CDH18: variants seen among roughly 807,000 people sequenced by gnomAD.
CDH18 encodes cadherin-18.
Under a neutral mutation model 67.9 loss-of-function variants are expected in CDH18, and 31 were observed. The observed-to-expected ratio is 0.46, with a 90% CI of 0.34 to 0.62. CDH18 has a LOEUF of 0.62. CDH18 is among the 20% of genes least tolerant of loss of function. The pLI, the probability that CDH18 is intolerant of heterozygous loss-of-function variation, is 0.01. For missense variants in CDH18, 890 were observed against 975.5 expected, an observed-to-expected ratio of 0.91 and a Z score of 1.17; for synonymous variants, 362 against 347.2, an observed-to-expected ratio of 1.04 and a Z score of -0.48.
At chr5:20,046,950 C>T (rs1391265185) in intron 2 of CDH18, among the ~76,000 whole-genome samples, 3 of 151,804 alleles carry the variant, frequency 2.0e-5, no homozygotes, top group Non-Finnish European at 2.9e-5. Context: ...CACATGTATA[C>T]ATATGTAACT....
Position 19,567,478 on chromosome 5 carries a change from A to G in CDH18, c.1253+4101T>C, listed in dbSNP as rs192226403. Among the ~76,000 whole-genome samples, 4 of 152,302 alleles carry G rather than the reference A, an allele frequency of 2.6e-5. No homozygotes were observed. In the East Asian group the frequency reaches 7.7e-4, roughly 29 times the overall value. On this transcript the variant is annotated intron_variant, in intron 8 of 12. Transcript: ENST00000382275. ...TGGAGTTGATTGCATTTCAGGGCAC[A>G]TTGCAAAGTACATCTTTTCAATGTG...
intron 2 of CDH18, among the ~76,000 whole-genome samples, chr5:19,840,274 CA>C (rs770658457): frequency 8.0e-4 from 39 of 48,666 alleles, no homozygotes; most frequent in Admixed American, 9.2e-4. Context: ...GACTCCGTCT[CA>C]AAAAAAAAAA....
At chr5:20,548,218 AAATT>A (rs1451052555) in intron 1 of CDH18, among the ~76,000 whole-genome samples, 5 of 150,600 alleles carry the variant, frequency 3.3e-5, no homozygotes, top group Middle Eastern at 3.5e-3. Flanking sequence ...AAATATTAAT[AAATT>A]ATTTTAAAGA....
chr5:20,500,394 C>T (rs1754186044), intron 1 of CDH18, among the ~76,000 whole-genome samples: 1 of 152,076 alleles, frequency 6.6e-6, no homozygotes, highest in Admixed American at 6.6e-5. Flanking sequence ...TTCAAGGAAA[C>T]AAATTCTAAT....
intron 8 of CDH18, among the ~76,000 whole-genome samples, chr5:19,551,852 A>C (rs2127146961): frequency 6.6e-6 from 1 of 152,282 alleles, no homozygotes; most frequent in African/African-American, 2.4e-5. Context: ...TCAGAAAATT[A>C]ATTTTTAATT....
At chr5:19,769,223 TA>T (rs1773454447) in intron 3 of CDH18, among the ~76,000 whole-genome samples, 1 of 152,058 alleles carries the variant, frequency 6.6e-6, no homozygotes, top group Non-Finnish European at 1.5e-5. Flanking sequence ...GAACCTCAAG[TA>T]GCATAAACTA....
chr5:20,446,534 G>A (rs1750016493), intron 1 of CDH18, among the ~76,000 whole-genome samples: 1 of 152,028 alleles, frequency 6.6e-6, no homozygotes, highest in Non-Finnish European at 1.5e-5. Context: ...TTAAAGATTT[G>A]TGCCCCCAAA....
At chr5:20,496,598 G>A (rs1022564677) in intron 1 of CDH18, among the ~76,000 whole-genome samples, 1 of 152,046 alleles carries the variant, frequency 6.6e-6, no homozygotes, top group African/African-American at 2.4e-5. Flanking sequence ...TACTAATGAG[G>A]AAACAATGTG....
At chr5:19,872,394 C>A (rs1160247911) in intron 2 of CDH18, among the ~76,000 whole-genome samples, 3 of 152,014 alleles carry the variant, frequency 2.0e-5, no homozygotes, top group African/African-American at 7.2e-5. Flanking sequence ...TAAAATTTTA[C>A]AAATTTAATT....
chr5:19,972,366 T>TA (rs1798110971), intron 2 of CDH18, among the ~76,000 whole-genome samples: 1 of 152,054 alleles, frequency 6.6e-6, no homozygotes, highest in East Asian at 1.9e-4. Flanking sequence ...ACTAAGTCTA[T>TA]AAATTCAGAA....
At chr5:20,491,604 T>C (rs747810424) in intron 1 of CDH18, among the ~76,000 whole-genome samples, 25 of 152,148 alleles carry the variant, frequency 1.6e-4, no homozygotes, top group Non-Finnish European at 3.4e-4. Flanking sequence ...ACCAGTGTTG[T>C]AGGACAAGTC....
At position 19,699,697 on chromosome 5, in the gene CDH18, GA is replaced by G. The variant is rs1762989138; in HGVS notation, c.643+21649del. 2.6e-5 allele frequency among the ~76,000 whole-genome samples: 4 copies of G among 151,194 alleles called. No individual in the cohort carries two copies. In the South Asian group the frequency reaches 8.4e-4, roughly 32 times the overall value. Reference sequence around the variant, plus strand: ...CTCTTCATCTCTCTCTCTGCCATGTGAGGACATAGCAAGAAAGTAGTCATCT... The same window carrying G: ...CTCTTCATCTCTCTCTCTGCCATGTGGGACATAGCAAGAAAGTAGTCATCT... On this transcript the variant is annotated intron_variant, in intron 5 of 12. Coordinates refer to ENST00000382275, the MANE Select transcript of CDH18 (RefSeq NM_004934.5).
At chr5:20,475,219 T>A (rs1199784605) in intron 1 of CDH18, among the ~76,000 whole-genome samples, 4 of 152,228 alleles carry the variant, frequency 2.6e-5, no homozygotes, top group African/African-American at 7.2e-5. Flanking sequence ...ATTGTAGTTT[T>A]TTATTGTGTA....
chr5:19,841,351 A>G (rs1284364739), intron 2 of CDH18, among the ~76,000 whole-genome samples: 1 of 152,172 alleles, frequency 6.6e-6, no homozygotes, highest in Non-Finnish European at 1.5e-5. Flanking sequence ...TTGGAAAGAG[A>G]GTCAGAAATC....
intron 1 of CDH18, among the ~76,000 whole-genome samples, chr5:20,427,887 TAATCAGA>T (rs1240814724): frequency 6.6e-6 from 1 of 151,286 alleles, no homozygotes; most frequent in Non-Finnish European, 1.5e-5. Context: ...GCCACTTTTC[TAATCAGA>T]ACATTATCAA....
Position 20,391,942 on chromosome 5 carries a change from T to C in CDH18, c.-579-136437A>G, listed in dbSNP as rs1744898965. ...TTACAAAATGATTAATTTATTGTTA[T>C]AGCATAAACAGCCAAAATATACTTA... On this transcript the variant is annotated intron_variant, in intron 1 of 14. Coordinates refer to the CDH18 transcript ENST00000507958. Among the ~76,000 whole-genome samples, 2 of 3,018 alleles carry C rather than the reference T, an allele frequency of 6.6e-4. 1 individual carries two copies. The highest frequency in any genetic ancestry group is 1 in the South Asian group (2 of 2). 2.0% of individuals were successfully genotyped at this position (3,018 alleles called of 152,430 possible). A position where few individuals can be genotyped will look rare whatever the true frequency, so the allele number is the denominator to read the frequency against.
intron 2 of CDH18, among the ~76,000 whole-genome samples, chr5:20,224,423 A>G (rs1306927482): frequency 1.3e-5 from 2 of 151,940 alleles, no homozygotes; most frequent in Non-Finnish European, 1.5e-5. Context: ...ATAATTTTAG[A>G]TTTTAAGCTA....
chr5:20,151,249 T>G (rs963276594), intron 2 of CDH18, among the ~76,000 whole-genome samples: 2 of 152,170 alleles, frequency 1.3e-5, no homozygotes, highest in Non-Finnish European at 1.5e-5. Flanking sequence ...TTTGGTTTCA[T>G]GTTCCTCTTT....
At position 20,394,200 on chromosome 5, in the gene CDH18, A is replaced by G. The variant is rs118029529; in HGVS notation, c.-579-138695T>C. On this transcript the variant is annotated intron_variant, in intron 1 of 14. Transcript: ENST00000507958. ...ACTAACAAAACAGCATGGTGTTGATATAAAAGTAGATACACACACCAGTGG... is the reference window on the plus strand; with the variant it reads ...ACTAACAAAACAGCATGGTGTTGATGTAAAAGTAGATACACACACCAGTGG... 2.9e-4 allele frequency among the ~76,000 whole-genome samples: 44 copies of G among 152,184 alleles called. No homozygotes were observed. The East Asian group carries it at 8.5e-3, about 29-fold the overall frequency.
Sources: gnomAD v4.1 joint callset for allele counts (sites outside exome capture counted in the v4.1 genomes callset) on GRCh38, gnomAD v4.1.1 for gene constraint, MANE v1.5 for transcripts, NCBI Gene and HGNC (gene_info 2026-07-23, HGNC 2026-07-21) for gene names.